The following AKT3 variants were observed in gnomAD, a reference collection of about 807,000 sequenced individuals.
AKT3 encodes the protein RAC-gamma serine/threonine-protein kinase.
In AKT3, 15 loss-of-function variants were observed where a neutral mutation model predicts 65.3. That is an observed-to-expected ratio of 0.23 (90% confidence interval 0.15 to 0.35). AKT3 has a LOEUF of 0.35. AKT3 is among the 10% of genes least tolerant of loss of function. The probability of loss-of-function intolerance (pLI) is 1.00; values close to 1 mark genes in which losing one functional copy is unlikely to be tolerated. For synonymous variants in AKT3, 206 were observed against 183.8 expected (o/e 1.12, Z -0.98); for missense variants, 243 against 576.5 (o/e 0.42, Z 5.92).
At chr1:243,603,224 T>C (rs564748867) in intron 8 of AKT3, among the ~76,000 whole-genome samples, 1 of 152,222 alleles carries the variant, frequency 6.6e-6, no homozygotes, top group Non-Finnish European at 1.5e-5. Flanking sequence ...CTTGTTCTAC[T>C]GGGCTCCAAA....
chr1:243,726,930 C>T (rs1167608702), intron 2 of AKT3, among the ~76,000 whole-genome samples: 2 of 152,218 alleles, frequency 1.3e-5, no homozygotes, highest in East Asian at 3.8e-4. Context: ...TGCCAATCAC[C>T]TTCTACTTAG....
At chr1:243,648,926 T>C (rs1681054947) in intron 4 of AKT3, among the ~76,000 whole-genome samples, 1 of 152,068 alleles carries the variant, frequency 6.6e-6, no homozygotes, top group African/African-American at 2.4e-5. Flanking sequence ...TAATTTCTGA[T>C]TGCTGTTGTT....
chr1:243,804,876 A>C (rs1007728559), intron 2 of AKT3, among the ~76,000 whole-genome samples: 2 of 151,988 alleles, frequency 1.3e-5, no homozygotes, highest in African/African-American at 4.8e-5. Context: ...AAAAGAATAT[A>C]ATATACATTA....
intron 2 of AKT3, among the ~76,000 whole-genome samples, chr1:243,778,143 T>C (rs932232693): frequency 1.3e-5 from 2 of 152,194 alleles, no homozygotes; most frequent in Non-Finnish European, 2.9e-5. Context: ...TTAAAGACTA[T>C]AAGCTGTTTG....
chr1:243,796,651 C>T lies in AKT3; in HGVS notation c.46+46474G>A, dbSNP rs541905710. On this transcript the variant is annotated intron_variant, in intron 2 of 13. Coordinates refer to ENST00000673466, the MANE Select transcript of AKT3 (RefSeq NM_005465.7). ...GCCTAGACCACCAACCAGTTTATTG[C>T]TATCTCAGGGCCTTTGCACATGTTC... Among the ~76,000 whole-genome samples the T allele has an allele frequency of 1.3e-5, 2 of 152,138 alleles. 1 individual carries two copies. Among genetic ancestry groups the T allele is most frequent in the Non-Finnish European group, 2.9e-5 (2 of 68,036 alleles).
intron 2 of AKT3, among the ~76,000 whole-genome samples, chr1:243,742,456 C>T (rs900583144): frequency 2.8e-4 from 43 of 152,198 alleles, no homozygotes; most frequent in African/African-American, 9.6e-4. Flanking sequence ...GAAACCCCGT[C>T]GCTACTAAAA....
chr1:243,749,804 C>T (rs1175895758), intron 2 of AKT3, among the ~76,000 whole-genome samples: 2 of 152,208 alleles, frequency 1.3e-5, no homozygotes, highest in African/African-American at 2.4e-5. Flanking sequence ...TCCATTTCTT[C>T]AGTATCCATT....
chr1:243,637,745 GA>G lies in AKT3; in HGVS notation c.430-4del. ...AAATAGTCAAAATCATTCATTGTCTGAAAAATACAAATTAAAAAATATAATA... is the reference window on the plus strand; with the variant it reads ...AAATAGTCAAAATCATTCATTGTCTGAAAATACAAATTAAAAAATATAATA... On this transcript the variant is annotated splice_region_variant and splice_polypyrimidine_tract_variant and intron_variant, in intron 5 of 13. Coordinates refer to ENST00000673466, the MANE Select transcript of AKT3 (RefSeq NM_005465.7). The G allele has an allele frequency of 6.6e-7, 1 of 1,514,882 alleles. No individual in the cohort carries two copies. Among genetic ancestry groups the G allele is most frequent in the South Asian group, 1.2e-5 (1 of 85,616 alleles). 93.8% of individuals were successfully genotyped at this position (1,514,882 alleles called of 1,614,324 possible).
At chr1:243,536,264 T>C (rs1205639729) in intron 12 of AKT3, among the ~76,000 whole-genome samples, 2 of 152,148 alleles carry the variant, frequency 1.3e-5, no homozygotes, top group Non-Finnish European at 2.9e-5. Flanking sequence ...TTTTACTGTA[T>C]TTGCTTTTGG....
At chr1:243,550,084 A>C (rs138624229) in intron 11 of AKT3, among the ~76,000 whole-genome samples, 4 of 152,300 alleles carry the variant, frequency 2.6e-5, no homozygotes, top group Middle Eastern at 3.4e-3. Context: ...GATCCAGCTC[A>C]AGTCCCCCAA....
rs116117135 is a variant in AKT3 at position 243,704,414 on chromosome 1, G to A, written c.47-8698C>T. Among the ~76,000 whole-genome samples, 759 of 152,190 alleles carry A rather than the reference G, an allele frequency of 5.0e-3. 6 individuals carry two copies. The highest frequency in any genetic ancestry group is 0.017 in the African/African-American group (716 of 41,490). ...GTCTAGTAGGCAGCTGTGAGAGGTGGAGAAGAAAAGGGGATGAGTTGACTA... is the reference window on the plus strand; with the variant it reads ...GTCTAGTAGGCAGCTGTGAGAGGTGAAGAAGAAAAGGGGATGAGTTGACTA... On this transcript the variant is annotated intron_variant, in intron 2 of 13. Coordinates refer to ENST00000673466, the MANE Select transcript of AKT3 (RefSeq NM_005465.7).
intron 2 of AKT3, chr1:243,735,248 C>T (rs1460601323): frequency 2.0e-5 from 3 of 152,202 alleles, no homozygotes; most frequent in Non-Finnish European, 4.4e-5. Context: ...GTATGTGCTA[C>T]ACTTTTGTAC....
intron 2 of AKT3, among the ~76,000 whole-genome samples, chr1:243,726,215 A>C (rs1258347776): frequency 1.3e-5 from 2 of 152,202 alleles, no homozygotes; most frequent in African/African-American, 4.8e-5. Context: ...ATGTAAGCCA[A>C]ATCCATTTCA....
chr1:243,771,419 T>C (rs1266778383), intron 2 of AKT3, among the ~76,000 whole-genome samples: 2 of 152,168 alleles, frequency 1.3e-5, no homozygotes, highest in Non-Finnish European at 2.9e-5. Context: ...AACTCTTTGT[T>C]GAATGGATAT....
chr1:243,536,163 A>G (rs1671911590), intron 12 of AKT3, among the ~76,000 whole-genome samples: 1 of 152,130 alleles, frequency 6.6e-6, no homozygotes, highest in Admixed American at 6.6e-5. Context: ...ATTTCCTCCC[A>G]AACTGTAAGT....
chr1:243,562,996 C>G (rs938651246), intron 10 of AKT3, among the ~76,000 whole-genome samples: 1 of 152,176 alleles, frequency 6.6e-6, no homozygotes, highest in South Asian at 2.1e-4. Context: ...ACACCACACC[C>G]TTACATTTAA....
intron 2 of AKT3, among the ~76,000 whole-genome samples, chr1:243,795,370 C>A (rs1455356890): frequency 6.6e-6 from 1 of 151,272 alleles, no homozygotes; most frequent in Admixed American, 6.6e-5. Flanking sequence ...ACAGGCTTGA[C>A]TGTGCAGTTC....
At chr1:243,706,384 T>C (rs560170883) in intron 2 of AKT3, among the ~76,000 whole-genome samples, 1 of 152,322 alleles carries the variant, frequency 6.6e-6, no homozygotes, top group African/African-American at 2.4e-5. Flanking sequence ...GAAGGCAGGC[T>C]GTAGTGCTTG....
In AKT3 at chr1:243,773,609, A is replaced by T. The variant is rs144949034; in HGVS notation, c.46+69516T>A. On this transcript the variant is annotated intron_variant, in intron 2 of 13. Coordinates refer to ENST00000673466, the MANE Select transcript of AKT3 (RefSeq NM_005465.7). The stretch of plus-strand genomic sequence containing the variant: ...GACTGTGCCCCAGCCTGGGCAACAC[A>T]GTGAGACCCCATCGCCCCCCACAAA... Among the ~76,000 whole-genome samples, 535 of 152,220 alleles carry T rather than the reference A, an allele frequency of 3.5e-3. 2 individuals carry two copies. The highest frequency in any genetic ancestry group is 0.012 in the African/African-American group (517 of 41,514).
Sources: allele counts gnomAD v4.1 joint callset (sites outside exome capture counted in the v4.1 genomes callset), GRCh38; gene constraint gnomAD v4.1.1; transcripts MANE v1.5; gene names NCBI Gene and HGNC (gene_info 2026-07-23, HGNC 2026-07-21).